The following CSMD1 variants were observed in gnomAD, a reference collection of about 807,000 sequenced individuals.
The protein encoded by CSMD1 is CUB and sushi domain-containing protein 1.
CSMD1 carries 213 observed loss-of-function variants against 417.5 expected under a neutral mutation model. The observed-to-expected ratio is 0.51, with a 90% CI of 0.46 to 0.57. The LOEUF (loss-of-function observed/expected upper bound fraction) is 0.57. CSMD1 is among the 20% of genes least tolerant of loss of function. CSMD1 has a pLI of 0.00. For synonymous variants in CSMD1, 2,862 were observed against 1,736.8 expected (o/e 1.65, Z -16.11); for missense variants, 6,923 against 4,529.7 (o/e 1.53, Z -15.17).
At chr8:4,255,113 T>A (rs1803363266) in intron 3 of CSMD1, among the ~76,000 whole-genome samples, 1 of 152,194 alleles carries the variant, frequency 6.6e-6, no homozygotes, top group Admixed American at 6.5e-5. Context: ...CTCTACTTCT[T>A]CCTTTGAGAG....
chr8:4,082,079 AT>A (rs1023423574), intron 3 of CSMD1, among the ~76,000 whole-genome samples: 18 of 152,150 alleles, frequency 1.2e-4, no homozygotes, highest in Admixed American at 9.2e-4. Flanking sequence ...ATTGATGAAG[AT>A]TACTGAGACT....
intron 6 of CSMD1, among the ~76,000 whole-genome samples, chr8:3,748,178 G>C (rs989723372): frequency 6.6e-6 from 1 of 152,168 alleles, no homozygotes; most frequent in Non-Finnish European, 1.5e-5. Context: ...TTTGTTCTGA[G>C]AGAAATTAAA....
chr8:4,128,534 T>C (rs1367895606), intron 3 of CSMD1, among the ~76,000 whole-genome samples: 1 of 152,150 alleles, frequency 6.6e-6, no homozygotes, highest in East Asian at 1.9e-4. Flanking sequence ...CCCCCTCCTA[T>C]ATTCTATTTT....
rs566759846 is a variant in CSMD1 at position 4,495,938 on chromosome 8, G to C, written c.303-75873C>G. On this transcript the variant is annotated intron_variant, in intron 2 of 69. Coordinates refer to ENST00000635120, the MANE Select transcript of CSMD1 (RefSeq NM_033225.6). ...TTAGGATAAATTCTATATGGCAAAT[G>C]ACAAGAACCAAAGGTCTAAGTACTC... Among the ~76,000 whole-genome samples, 6 of 152,228 alleles carry C rather than the reference G, an allele frequency of 3.9e-5. No homozygotes were observed. The East Asian group carries it at 9.7e-4, about 25-fold the overall frequency.
At chr8:3,114,054 A>AAAAC (rs139727872) in intron 42 of CSMD1, among the ~76,000 whole-genome samples, 4,580 of 150,728 alleles carry the variant, frequency 0.03, 95 homozygotes, top group Non-Finnish European at 0.045. Flanking sequence ...CCCATCTATT[A>AAAAC]AAACAAACAA....
chr8:4,014,906 C>G (rs1428567080), intron 4 of CSMD1, among the ~76,000 whole-genome samples: 1 of 152,152 alleles, frequency 6.6e-6, no homozygotes, highest in African/African-American at 2.4e-5. Context: ...AGAGCCACTT[C>G]TGATTATTTT....
intron 5 of CSMD1, among the ~76,000 whole-genome samples, chr8:3,789,098 G>T (rs1189475997): frequency 6.6e-6 from 1 of 152,176 alleles, no homozygotes; most frequent in Non-Finnish European, 1.5e-5. Context: ...GGGGGGATTA[G>T]GTGGTACAGC....
At chr8:3,829,715 T>G (rs1802261995) in intron 5 of CSMD1, among the ~76,000 whole-genome samples, 1 of 152,216 alleles carries the variant, frequency 6.6e-6, no homozygotes, top group Non-Finnish European at 1.5e-5. Context: ...AAAATCAGCT[T>G]TCTTCCTGTA....
chr8:3,602,182 C>T (rs1312604603), intron 8 of CSMD1, among the ~76,000 whole-genome samples: 1 of 152,186 alleles, frequency 6.6e-6, no homozygotes, highest in Non-Finnish European at 1.5e-5. Context: ...TAAACATTCT[C>T]TTTAAAAATC....
At chr8:3,096,460 C>A (rs752545235) in intron 47 of CSMD1, among the ~76,000 whole-genome samples, 2 of 152,104 alleles carry the variant, frequency 1.3e-5, no homozygotes, top group South Asian at 4.1e-4. Context: ...TGCGTGCACC[C>A]ACTCTTTCTC....
chr8:3,616,062 T>C (rs1026719977), intron 8 of CSMD1, among the ~76,000 whole-genome samples: 1 of 152,180 alleles, frequency 6.6e-6, no homozygotes, highest in Non-Finnish European at 1.5e-5. Flanking sequence ...ATTCCTAAAG[T>C]TTTTTAATGA....
At chr8:4,234,593 GTTTGTA>G (rs1214105695) in intron 3 of CSMD1, among the ~76,000 whole-genome samples, 1 of 152,132 alleles carries the variant, frequency 6.6e-6, no homozygotes. Context: ...TTAATTGAGT[GTTTGTA>G]TTTACACTTT....
chr8:3,405,303 C>T (rs1199994446), intron 15 of CSMD1, among the ~76,000 whole-genome samples: 1 of 152,154 alleles, frequency 6.6e-6, no homozygotes, highest in Admixed American at 6.5e-5. Context: ...TGAACATATA[C>T]TCTAAGTAAA....
rs534825585 is a variant in CSMD1 at position 4,799,582 on chromosome 8, G to A, written c.86-162024C>T. On this transcript the variant is annotated intron_variant, in intron 1 of 69. Transcript: ENST00000635120. ...CCACTGCACTGCAGCCTGTGTGAGA[G>A]AGCAAGACTCCGTCTCAAAAAAAAA... Among the ~76,000 whole-genome samples the A allele has an allele frequency of 2.6e-4, 27 of 103,824 alleles. No homozygotes were observed. In the South Asian group the frequency reaches 8.0e-3, roughly 31 times the overall value. 68.1% of individuals were successfully genotyped at this position (103,824 alleles called of 152,430 possible).
intron 3 of CSMD1, among the ~76,000 whole-genome samples, chr8:4,172,313 C>A (rs1029500587): frequency 2.6e-5 from 4 of 152,090 alleles, no homozygotes; most frequent in Non-Finnish European, 5.9e-5. Context: ...GCAGGTGTGG[C>A]TACCGAGATA....
At chr8:3,538,724 G>A (rs1003366775) in intron 10 of CSMD1, among the ~76,000 whole-genome samples, 4 of 152,158 alleles carry the variant, frequency 2.6e-5, no homozygotes, top group African/African-American at 4.8e-5. Flanking sequence ...TTTCCGTCAC[G>A]TGCACTTGCG....
chr8:4,920,736 T>C (rs1806381441), intron 1 of CSMD1, among the ~76,000 whole-genome samples: 1 of 151,672 alleles, frequency 6.6e-6, no homozygotes, highest in Non-Finnish European at 1.5e-5. Context: ...GGCAGGAGAA[T>C]CACTTGAACC....
intron 26 of CSMD1, among the ~76,000 whole-genome samples, chr8:3,276,908 C>T (rs1802334172): frequency 1.3e-5 from 2 of 152,024 alleles, no homozygotes; most frequent in South Asian, 4.1e-4. Flanking sequence ...TAACTTAATC[C>T]ACTGTATTAA....
At chr8:3,504,466 C>T (rs1796740124) in intron 10 of CSMD1, among the ~76,000 whole-genome samples, 1 of 152,200 alleles carries the variant, frequency 6.6e-6, no homozygotes, top group African/African-American at 2.4e-5. Flanking sequence ...ATCCAGCAGA[C>T]ACTTGATCAA....
Sources: allele counts gnomAD v4.1 joint callset (sites outside exome capture counted in the v4.1 genomes callset), GRCh38; gene constraint gnomAD v4.1.1; transcripts MANE v1.5; gene names NCBI Gene and HGNC (gene_info 2026-07-23, HGNC 2026-07-21).